The following SAMD14 variants were observed in gnomAD, a reference collection of about 807,000 sequenced individuals.
SAMD14 encodes sterile alpha motif domain-containing protein 14.
Under a neutral mutation model 46.2 loss-of-function variants are expected in SAMD14, and 27 were observed. The ratio of observed to expected loss-of-function variants is 0.58; its 90% CI spans 0.43 to 0.81. The LOEUF is 0.81. SAMD14 is among the 30% of genes least tolerant of loss of function. SAMD14 has a pLI of 0.00. For synonymous variants in SAMD14, 241 were observed against 254.3 expected, an observed-to-expected ratio of 0.95 and a Z score of 0.50; for missense variants, 559 against 582.2, an observed-to-expected ratio of 0.96 and a Z score of 0.41.
At chr17:50,124,766 C>CAT (rs1555563112) in intron 2 of SAMD14, 151 bp downstream of exon 2, 14 of 678,724 alleles carry the variant, frequency 2.1e-5, no homozygotes, top group Middle Eastern at 3.9e-4. Context: ...CGTGCACGCG[C>CAT]GCGCGCACAC....
chr17:50,114,549 A>C (rs1460656758), intron 7 of SAMD14: 3 of 1,007,548 alleles, frequency 3.0e-6, no homozygotes, highest in East Asian at 2.6e-5. Flanking sequence ...GGTTAGTAGG[A>C]ATGGAGGCGG....
intron 1 of SAMD14, among the ~76,000 whole-genome samples, chr17:50,128,482 T>TCACACACACA (rs34869142): frequency 2.2e-5 from 3 of 135,798 alleles, no homozygotes; most frequent in Admixed American, 7.2e-5. Flanking sequence ...GCACACTCTC[T>TCACACACACA]CACACACACA....
At chr17:50,121,084 A>G (rs936903541) in intron 2 of SAMD14, among the ~76,000 whole-genome samples, 1 of 152,140 alleles carries the variant, frequency 6.6e-6, no homozygotes, top group Non-Finnish European at 1.5e-5. Flanking sequence ...CCTTTTAATG[A>G]AAGAAAAATG....
Position 50,117,550 on chromosome 17 carries a change from A to G in SAMD14, c.356T>C (p.Leu119Pro). The change falls in exon 4 of 10, where the codon CTC (leucine) becomes CCC (proline). Residue 119 changes from leucine to proline, a missense_variant. Transcript: ENST00000330175. ...LDEDEPPPSP[L>P]TRYRPLHNAA... ...GTTGTGCAGGGGCCGGTAGCGTGTG[A>G]GCGGCGAGGGCGGCGGCTCGTCCTC... 1 of 1,553,864 alleles carries G rather than the reference A, an allele frequency of 6.4e-7. No individual in the cohort carries two copies. Among genetic ancestry groups the G allele is most frequent in the African/African-American group, 1.4e-5 (1 of 71,582 alleles).
Position 50,112,968 on chromosome 17 carries a change from C to T in SAMD14, c.1179G>A (p.Glu393=), listed in dbSNP as rs554653920. 3.1e-5 allele frequency: 50 copies of T among 1,611,630 alleles called. No homozygotes were observed. The African/African-American group carries it at 6.4e-4, about 21-fold the overall frequency. Residue 393 remains glutamate, a synonymous_variant, in exon 10 of 10, where the codon GAG becomes GAA. Transcript: ENST00000330175. ...GCGCAGCCTTCTCCTGGGCCTTGCGCTCCTTCTCGGCAGCTGCTGCCATCT... is the reference window on the plus strand; with the variant it reads ...GCGCAGCCTTCTCCTGGGCCTTGCGTTCCTTCTCGGCAGCTGCTGCCATCT... ...LKEMAAAAEK[E]RKAQEKAARQ...
rs1009460216 is a variant in SAMD14 at position 50,112,768 on chromosome 17, C to G, written c.*125G>C. On this transcript the variant is annotated 3_prime_UTR_variant, in exon 10 of 10. Transcript: ENST00000330175. ...AGTGACAGGGTAAGAGAGAGCATGTCCCCCCTGAGAGCGTGGGACCAGGCT... is the reference window on the plus strand; with the variant it reads ...AGTGACAGGGTAAGAGAGAGCATGTGCCCCCTGAGAGCGTGGGACCAGGCT... 2.0e-5 allele frequency: 22 copies of G among 1,122,406 alleles called. No individual in the cohort carries two copies. The highest frequency in any genetic ancestry group is 2.5e-5 in the Admixed American group (1 of 40,420). The allele number at this position is 1,122,406 out of a possible 1,614,324, so 69.5% of individuals were successfully genotyped here. A position where few individuals can be genotyped will look rare whatever the true frequency, so the allele number is the denominator to read the frequency against.
Position 50,112,570 on chromosome 17 carries a change from A to C in SAMD14, c.*323T>G. 9.2e-6 allele frequency: 2 copies of C among 216,598 alleles called. No individual in the cohort carries two copies. Among genetic ancestry groups the C allele is most frequent in the Non-Finnish European group, 1.8e-5 (2 of 110,198 alleles). 13.4% of individuals were successfully genotyped at this position (216,598 alleles called of 1,614,324 possible). On this transcript the variant is annotated 3_prime_UTR_variant, in exon 10 of 10. Transcript: ENST00000330175. ...CCAGCCCCACGATGGCCTGAGGGCA[A>C]TGGGACAGCCTGACCCAGCCTCCCA...
At chr17:50,113,735 C>A in intron 9 of SAMD14, 189 bp downstream of exon 9, 5 of 626,188 alleles carry the variant, frequency 8.0e-6, no homozygotes, top group Middle Eastern at 4.3e-4. Flanking sequence ...GGGATTCATG[C>A]TACAACTCAA....
intron 2 of SAMD14, among the ~76,000 whole-genome samples, chr17:50,120,695 G>A (rs116269408): frequency 1.3e-5 from 2 of 152,128 alleles, no homozygotes; most frequent in African/African-American, 4.8e-5. Flanking sequence ...CATCCTGGCC[G>A]CCTGGCTCAT....
rs1011991089 is a variant in SAMD14 at position 50,112,267 on chromosome 17, C to G, written c.*626G>C. On this transcript the variant is annotated 3_prime_UTR_variant, in exon 10 of 10. Coordinates refer to ENST00000330175, the MANE Select transcript of SAMD14 (RefSeq NM_001257359.2). ...GATGTTCATCCTCCCCTCTTGAGTCCTGGCAAAGACTGCACTCGCCCCAGG... is the reference window on the plus strand; with the variant it reads ...GATGTTCATCCTCCCCTCTTGAGTCGTGGCAAAGACTGCACTCGCCCCAGG... 4 of 151,990 alleles carry G rather than the reference C, an allele frequency of 2.6e-5. No homozygotes were observed. Among genetic ancestry groups the G allele is most frequent in the African/African-American group, 9.7e-5 (4 of 41,346 alleles). The allele number at this position is 151,990 out of a possible 1,614,324, so 9.4% of individuals were successfully genotyped here.
intron 7 of SAMD14, chr17:50,114,597 G>A: frequency 6.1e-6 from 4 of 656,720 alleles, no homozygotes; most frequent in South Asian, 2.0e-5. Context: ...GCAGACCACC[G>A]AGATTCCCCC....
At chr17:50,120,547 A>T (rs974627078) in intron 2 of SAMD14, among the ~76,000 whole-genome samples, 1 of 152,184 alleles carries the variant, frequency 6.6e-6, no homozygotes, top group Admixed American at 6.5e-5. Context: ...GTGTCAGTTT[A>T]TATCACTCCC....
chr17:50,115,835 GC>G lies in SAMD14; in HGVS notation c.656del (p.Gly219AlafsTer60). 6.2e-7 allele frequency: 1 copy of G among 1,612,878 alleles called. No individual in the cohort carries two copies. The highest frequency in any genetic ancestry group is 8.5e-7 in the Non-Finnish European group (1 of 1,179,934). On this transcript the variant is annotated frameshift_variant, in exon 6 of 10. Coordinates refer to ENST00000330175, the MANE Select transcript of SAMD14 (RefSeq NM_001257359.2). LOFTEE classifies it high-confidence loss of function. This position sits in a 1 kb window ranked among gnomAD's most constrained non-coding sequence, Gnocchi z 5.3. Reference sequence around the variant, plus strand: ...CCGCCATGGGCACCTCTCACCTGCTGCCCATGGACAGTCGGTTGCTGCCTTT... The same window carrying G: ...CCGCCATGGGCACCTCTCACCTGCTGCCATGGACAGTCGGTTGCTGCCTTT... ...KEKGSNRLSM[G>X]SRESVEGSGR...
intron 1 of SAMD14, 104 bp from the exon 2 acceptor site, chr17:50,125,075 T>G: frequency 1.0e-6 from 1 of 997,480 alleles, no homozygotes; most frequent in Non-Finnish European, 1.6e-6. Context: ...CCAGGCCTGT[T>G]GGCCCCTCCC....
At position 50,110,305 on chromosome 17, in the gene SAMD14, A is replaced by C. The variant is rs705966; in HGVS notation, c.*2588T>G. 2.2e-6 allele frequency: 1 copy of C among 449,952 alleles called. No homozygotes were observed. The highest frequency in any genetic ancestry group is 5.5e-5 in the South Asian group (1 of 18,188). 27.9% of individuals were successfully genotyped at this position (449,952 alleles called of 1,614,324 possible). On this transcript the variant is annotated 3_prime_UTR_variant, in exon 10 of 10. Coordinates refer to ENST00000330175, the MANE Select transcript of SAMD14 (RefSeq NM_001257359.2). ...GTGGAGACCCCTCGGTGGCCTCCCTATCTCTGTGGGCGATGCCTGAGGGTT... is the reference window on the plus strand; with the variant it reads ...GTGGAGACCCCTCGGTGGCCTCCCTCTCTCTGTGGGCGATGCCTGAGGGTT...
chr17:50,126,111 C>T (rs991928326), intron 1 of SAMD14, among the ~76,000 whole-genome samples: 5 of 151,958 alleles, frequency 3.3e-5, no homozygotes, highest in African/African-American at 4.8e-5. Context: ...GGCAAGGGGA[C>T]GCTGCATGGC....
rs769548277 is a variant in SAMD14 at position 50,115,900 on chromosome 17, TGACCCTGTGG to T, written c.588-6_591del. The T allele has an allele frequency of 6.2e-7, 1 of 1,612,980 alleles. No homozygotes were observed. The highest frequency in any genetic ancestry group is 8.5e-7 in the Non-Finnish European group (1 of 1,179,634). On this transcript the variant is annotated splice_acceptor_variant and splice_polypyrimidine_tract_variant and coding_sequence_variant and intron_variant, in exon 6 of 10. Coordinates refer to ENST00000330175, the MANE Select transcript of SAMD14 (RefSeq NM_001257359.2). LOFTEE classifies it high-confidence loss of function. The surrounding 1 kb of genome is among the most constrained non-coding windows in gnomAD (Gnocchi z 5.3). Reference sequence around the variant, plus strand: ...TTGCCCGTGGATGCTCGGCGCAGGGTGACCCTGTGGGGAGGCAGCAGGAAGTGGGGCAGGG... The same window carrying T: ...TTGCCCGTGGATGCTCGGCGCAGGGTGGAGGCAGCAGGAAGTGGGGCAGGG...
At chr17:50,113,852 T>A in intron 9 of SAMD14, 72 bp downstream of exon 9, 3 of 1,584,572 alleles carry the variant, frequency 1.9e-6, no homozygotes, top group Non-Finnish European at 2.6e-6. Context: ...AAGGTCAGGA[T>A]GAGGGACTTC....
rs764326597 is a variant in SAMD14, at chr17:50,115,602, T to C, written c.784A>G (p.Lys262Glu). 1 of 1,588,882 alleles carries C rather than the reference T, an allele frequency of 6.3e-7. No individual in the cohort carries two copies. The highest frequency in any genetic ancestry group is 1.2e-5 in the South Asian group (1 of 86,870). The change falls in exon 7 of 10, where the codon AAA becomes GAA. Residue 262 changes from lysine to glutamate, a missense_variant. Physicochemically the swap from Lys to Glu is moderately conservative, Grantham distance 56 (BLOSUM62 1). Transcript: ENST00000330175. This position sits in a 1 kb window ranked among gnomAD's most constrained non-coding sequence, Gnocchi z 5.3. ...GSTTSPTCSPKHEGFSPKKSA... is the reference protein window; with the variant it reads ...GSTTSPTCSPEHEGFSPKKSA... ...TTCTTAGGGCTGAAGCCCTCGTGTT[T>C]AGGGGAGCAGGTGGGGGAGGTGGTG... is the stretch of plus-strand genomic sequence containing the variant.
Sources: gnomAD v4.1 joint callset for allele counts (sites outside exome capture counted in the v4.1 genomes callset) on GRCh38, gnomAD v4.1.1 for gene constraint, Gnocchi (gnomAD v3.1) non-coding constraint, MANE v1.5 for transcripts, NCBI Gene and HGNC (gene_info 2026-07-23, HGNC 2026-07-21) for gene names.